Variants in TXNRD1 observed in about 807,000 individuals in gnomAD.
TXNRD1 encodes thioredoxin reductase 1, cytoplasmic.
In TXNRD1, 57 loss-of-function variants were observed where a neutral mutation model predicts 80.3. The ratio of observed to expected loss-of-function variants is 0.71; its 90% CI spans 0.57 to 0.89. The LOEUF is 0.89. Among genes scored for constraint, TXNRD1 ranks in the 40% least tolerant of loss-of-function variants. TXNRD1 has a pLI of 0.00. For missense variants in TXNRD1, 730 were observed against 803.0 expected, an observed-to-expected ratio of 0.91 and a Z score of 1.10; for synonymous variants, 291 against 285.2, an observed-to-expected ratio of 1.02 and a Z score of -0.20.
chr12:104,319,351 T>C (rs1477002071), intron 8 of TXNRD1, 119 bp from the exon 9 acceptor site: 1 of 716,380 alleles, frequency 1.4e-6, no homozygotes, highest in Admixed American at 2.9e-5. Context: ...TTTACTATAT[T>C]ATTGTCCTCA....
At chr12:104,304,490 C>T in intron 4 of TXNRD1, 2 of 1,613,984 alleles carry the variant, frequency 1.2e-6, no homozygotes, top group Non-Finnish European at 1.7e-6. Context: ...AAAGCCCCGA[C>T]TTGAACACCA....
At chr12:104,313,359 GT>G in intron 6 of TXNRD1, 42 bp downstream of exon 6, 1 of 1,464,672 alleles carries the variant, frequency 6.8e-7, no homozygotes, top group Non-Finnish European at 9.2e-7. Flanking sequence ...TGCCGAAGTA[GT>G]TTTCCCCTGG....
intron 12 of TXNRD1, 84 bp from the exon 13 acceptor site, chr12:104,327,431 G>A (rs960337824): frequency 2.9e-6 from 4 of 1,391,238 alleles, no homozygotes; most frequent in Admixed American, 2.2e-5. Flanking sequence ...CACAATTTTG[G>A]GCTTCCCTGA....
chr12:104,231,621 T>C (rs2032626027), intron 1 of TXNRD1, among the ~76,000 whole-genome samples: 2 of 152,206 alleles, frequency 1.3e-5, no homozygotes, highest in African/African-American at 4.8e-5. Flanking sequence ...CCTGGTGTAG[T>C]AAATAATTTT....
At chr12:104,313,154 T>C (rs1367135336) in intron 5 of TXNRD1, 91 bp from the exon 6 acceptor site, 2 of 993,038 alleles carry the variant, frequency 2.0e-6, no homozygotes, top group Non-Finnish European at 3.1e-6. Flanking sequence ...TTAAGCTCTA[T>C]AGCTTAAAAA....
chr12:104,263,564 G>A lies in TXNRD1; in HGVS notation c.304+5485G>A, dbSNP rs2033413857. Among the ~76,000 whole-genome samples, 2 of 152,286 alleles carry A rather than the reference G, an allele frequency of 1.3e-5. 1 individual carries two copies. Among genetic ancestry groups the A allele is most frequent in the South Asian group, 4.1e-4 (2 of 4,820 alleles). On this transcript the variant is annotated intron_variant, in intron 3 of 16. Transcript: ENST00000525566. ...CTCACAGGGCCTGTTGATTTACAAA[G>A]ACTTGTATCTATACTTCAGGTGTCT...
intron 15 of TXNRD1, among the ~76,000 whole-genome samples, chr12:104,338,516 G>A (rs933091915): frequency 2.0e-5 from 3 of 151,228 alleles, no homozygotes; most frequent in South Asian, 2.1e-4. Flanking sequence ...CCAACATGGC[G>A]AAACCCCGTC....
intron 7 of TXNRD1, among the ~76,000 whole-genome samples, chr12:104,316,506 C>T (rs2035332682): frequency 6.6e-6 from 1 of 152,220 alleles, no homozygotes; most frequent in African/African-American, 2.4e-5. Context: ...TCTCCTGCCT[C>T]AGCCTCCCGA....
At chr12:104,265,330 C>G (rs568942161) in intron 3 of TXNRD1, 1 of 1,609,290 alleles carries the variant, frequency 6.2e-7, no homozygotes, top group Non-Finnish European at 8.5e-7. Context: ...GGGCACGCTA[C>G]GAGAGTACAA....
At chr12:104,256,318 A>G (rs1485747274) in intron 2 of TXNRD1, among the ~76,000 whole-genome samples, 2 of 152,188 alleles carry the variant, frequency 1.3e-5, no homozygotes, top group Admixed American at 6.5e-5. Flanking sequence ...ATTAGTTACC[A>G]TATGTGTTTT....
intron 10 of TXNRD1, among the ~76,000 whole-genome samples, chr12:104,321,802 C>T (rs764228565): frequency 4.6e-5 from 7 of 152,162 alleles, no homozygotes; most frequent in Non-Finnish European, 7.3e-5. Context: ...TAACCTTTTT[C>T]GCTCTTTTAA....
intron 1 of TXNRD1, among the ~76,000 whole-genome samples, chr12:104,241,570 T>A (rs4388968): frequency 3.9e-5 from 6 of 152,024 alleles, no homozygotes; most frequent in East Asian, 1.9e-4. Flanking sequence ...GACTCTCCAC[T>A]TTGGTCAGGC....
At chr12:104,314,066 A>G (rs1415975301) in intron 6 of TXNRD1, among the ~76,000 whole-genome samples, 1 of 152,166 alleles carries the variant, frequency 6.6e-6, no homozygotes, top group African/African-American at 2.4e-5. Flanking sequence ...AGCACATACA[A>G]AGGCCCTGAG....
chr12:104,294,633 C>T (rs1050827536), intron 4 of TXNRD1, among the ~76,000 whole-genome samples: 1 of 152,148 alleles, frequency 6.6e-6, no homozygotes, highest in Non-Finnish European at 1.5e-5. Context: ...AGCTCGTGTC[C>T]TCTGTCTCTT....
chr12:104,291,273 T>TCACC (rs560802117), intron 4 of TXNRD1, among the ~76,000 whole-genome samples: 10,038 of 146,202 alleles, frequency 0.069, 610 homozygotes, highest in African/African-American at 0.15. Flanking sequence ...TGATCTTGGC[T>TCACC]TACCGCAACC....
At chr12:104,245,648 CAAAAA>C (rs149083903) in intron 1 of TXNRD1, among the ~76,000 whole-genome samples, 18 of 108,854 alleles carry the variant, frequency 1.7e-4, no homozygotes, top group African/African-American at 1.1e-4. Context: ...GACCCTGTCT[CAAAAA>C]AAAAAAAAAA....
chr12:104,267,647 A>T (rs12424869), intron 3 of TXNRD1, among the ~76,000 whole-genome samples: 22 of 140,460 alleles, frequency 1.6e-4, no homozygotes, highest in South Asian at 4.7e-4. Flanking sequence ...ATGTGATGGT[A>T]TCTTTCTTTC....
intron 14 of TXNRD1, among the ~76,000 whole-genome samples, chr12:104,333,307 G>A (rs543847968): frequency 1.0e-3 from 153 of 151,836 alleles, no homozygotes; most frequent in African/African-American, 3.6e-3. Flanking sequence ...TTTCTTGATA[G>A]ACAATATTTA....
At chr12:104,282,046 T>C (rs2033890397) in intron 3 of TXNRD1, among the ~76,000 whole-genome samples, 2 of 152,326 alleles carry the variant, frequency 1.3e-5, no homozygotes, top group Admixed American at 6.5e-5. Flanking sequence ...TTAAAATTTT[T>C]TATTTGGAAA....
Sources: gnomAD v4.1 joint callset for allele counts (sites outside exome capture counted in the v4.1 genomes callset) on GRCh38, gnomAD v4.1.1 for gene constraint, MANE v1.5 for transcripts, NCBI Gene and HGNC (gene_info 2026-07-23, HGNC 2026-07-21) for gene names.